FARS2: variants seen among roughly 807,000 people sequenced by gnomAD.
FARS2 encodes phenylalanyl-tRNA synthetase 2, mitochondrial, also known as phenylalanine--tRNA ligase, mitochondrial.
A neutral mutation model predicts 46.4 loss-of-function variants in FARS2; 40 were observed. That is an observed-to-expected ratio of 0.86 (90% CI 0.67 to 1.12). The LOEUF is 1.12. Among genes scored for constraint, FARS2 ranks in the 50% most tolerant of loss-of-function variants. The pLI, the probability that FARS2 is intolerant of heterozygous loss-of-function variation, is 0.00. For synonymous variants in FARS2, 234 were observed against 214.9 expected, an observed-to-expected ratio of 1.09 and a Z score of -0.78; for missense variants, 513 against 567.9, an observed-to-expected ratio of 0.90 and a Z score of 0.98.
At chr6:5,562,085 G>A (rs1285943652) in intron 5 of FARS2, among the ~76,000 whole-genome samples, 2 of 151,930 alleles carry the variant, frequency 1.3e-5, no homozygotes, top group Non-Finnish European at 2.9e-5. Flanking sequence ...TAGCTATTCT[G>A]TATTATTTTT....
chr6:5,423,546 G>A (rs2127754343), intron 3 of FARS2, among the ~76,000 whole-genome samples: 1 of 152,160 alleles, frequency 6.6e-6, no homozygotes, highest in South Asian at 2.1e-4. Context: ...CAATGGTGGA[G>A]GAAATCGCCT....
chr6:5,262,554 C>G (rs1039069600), intron 1 of FARS2, among the ~76,000 whole-genome samples: 4 of 152,170 alleles, frequency 2.6e-5, no homozygotes, highest in African/African-American at 9.7e-5. Flanking sequence ...GCTGGGATTA[C>G]AGGTGTGAGT....
At chr6:5,288,643 G>A (rs144296624) in intron 1 of FARS2, among the ~76,000 whole-genome samples, 111 of 152,316 alleles carry the variant, frequency 7.3e-4, no homozygotes, top group African/African-American at 2.6e-3. Context: ...GCTGGGCACT[G>A]TTGTAGGTGC....
intron 2 of FARS2, among the ~76,000 whole-genome samples, chr6:5,392,733 T>TAC (rs1163447265): frequency 6.2e-4 from 53 of 85,112 alleles, no homozygotes; most frequent in Admixed American, 3.9e-3. Flanking sequence ...AATATATATA[T>TAC]ATACACACAC....
At chr6:5,349,870 T>G (rs1757461170) in intron 1 of FARS2, among the ~76,000 whole-genome samples, 1 of 151,510 alleles carries the variant, frequency 6.6e-6, no homozygotes, top group Non-Finnish European at 1.5e-5. Context: ...ATTTTTAGAC[T>G]GGAGTTATAT....
At chr6:5,621,232 A>G (rs1028723208) in intron 6 of FARS2, among the ~76,000 whole-genome samples, 3 of 150,194 alleles carry the variant, frequency 2.0e-5, no homozygotes, top group African/African-American at 7.3e-5. Context: ...GACTACAGGC[A>G]TAGGCCACCA....
chr6:5,728,168 A>C (rs886489847), intron 6 of FARS2, among the ~76,000 whole-genome samples: 8 of 152,214 alleles, frequency 5.3e-5, no homozygotes, highest in African/African-American at 1.9e-4. Context: ...GTTTCCGATC[A>C]CAGGGATAGT....
At chr6:5,374,318 G>A (rs1020143850) in intron 2 of FARS2, among the ~76,000 whole-genome samples, 1 of 152,116 alleles carries the variant, frequency 6.6e-6, no homozygotes, top group African/African-American at 2.4e-5. Context: ...GGCTGAATAT[G>A]TACTGGGATT....
At chr6:5,663,696 C>T (rs1016010611) in intron 6 of FARS2, among the ~76,000 whole-genome samples, 4 of 152,142 alleles carry the variant, frequency 2.6e-5, no homozygotes, top group East Asian at 1.9e-4. Flanking sequence ...ATTTGTCATT[C>T]GTCCCAGTCC....
chr6:5,422,222 G>A (rs191033439), intron 3 of FARS2, among the ~76,000 whole-genome samples: 1 of 152,180 alleles, frequency 6.6e-6, no homozygotes, highest in East Asian at 1.9e-4. Flanking sequence ...GAACAGCATG[G>A]GAAAACCTGC....
chr6:5,573,811 T>C (rs1312192169), intron 5 of FARS2, among the ~76,000 whole-genome samples: 1 of 152,202 alleles, frequency 6.6e-6, no homozygotes, highest in African/African-American at 2.4e-5. Flanking sequence ...AGTGCATTCC[T>C]TGTACATTCA....
intron 6 of FARS2, among the ~76,000 whole-genome samples, chr6:5,676,785 T>C (rs1185713184): frequency 1.3e-5 from 2 of 152,262 alleles, no homozygotes; most frequent in East Asian, 3.8e-4. Flanking sequence ...ATCTCAAGTG[T>C]ATGCCCCGTC....
In FARS2 at chr6:5,431,023, T is replaced by C; in HGVS notation, c.773-18T>C. 1 of 1,612,004 alleles carries C rather than the reference T, an allele frequency of 6.2e-7. No homozygotes were observed. Among genetic ancestry groups the C allele is most frequent in the South Asian group, 1.1e-5 (1 of 90,768 alleles). On this transcript the variant is annotated intron_variant, in intron 3 of 6. Transcript: ENST00000274680. ...AGCTATTTAACACTACTTATTTGTT[T>C]CTTTGGCAACTTTGCAGAGCTGGAG... is the stretch of plus-strand genomic sequence containing the variant.
intron 5 of FARS2, among the ~76,000 whole-genome samples, chr6:5,607,783 C>A (rs991083326): frequency 1.3e-5 from 2 of 152,098 alleles, no homozygotes; most frequent in Non-Finnish European, 2.9e-5. Flanking sequence ...GAGGAGGGAC[C>A]TTTCCCAGAG....
chr6:5,659,548 A>G (rs756975504), intron 6 of FARS2, among the ~76,000 whole-genome samples: 1 of 152,182 alleles, frequency 6.6e-6, no homozygotes, highest in East Asian at 1.9e-4. Context: ...ATCCATCCAC[A>G]TGGTTGTAAA....
intron 4 of FARS2, among the ~76,000 whole-genome samples, chr6:5,507,297 C>T (rs747443980): frequency 3.3e-5 from 5 of 151,990 alleles, no homozygotes; most frequent in African/African-American, 9.7e-5. Context: ...ACTGGGCACA[C>T]GAGTTAAAAT....
intron 1 of FARS2, among the ~76,000 whole-genome samples, chr6:5,359,357 A>G (rs982329461): frequency 6.6e-6 from 1 of 152,126 alleles, no homozygotes. Context: ...TCTCTTCTTA[A>G]TGGGGAAGAT....
intron 1 of FARS2, among the ~76,000 whole-genome samples, chr6:5,277,016 T>C (rs976358800): frequency 1.3e-5 from 2 of 152,200 alleles, no homozygotes; most frequent in Non-Finnish European, 2.9e-5. Flanking sequence ...TAAAGAGAAA[T>C]AATTTTTTCT....
chr6:5,484,073 A>T (rs1766635298), intron 4 of FARS2, among the ~76,000 whole-genome samples: 1 of 152,180 alleles, frequency 6.6e-6, no homozygotes, highest in South Asian at 2.1e-4. Context: ...ACTGCACTCC[A>T]CCCTGGGCAA....
Sources: allele counts gnomAD v4.1 joint callset (sites outside exome capture counted in the v4.1 genomes callset), GRCh38; gene constraint gnomAD v4.1.1; transcripts MANE v1.5; gene names NCBI Gene and HGNC (gene_info 2026-07-23, HGNC 2026-07-21).